Variants in LRRC20 observed in about 807,000 individuals in gnomAD.
The protein encoded by LRRC20 is leucine-rich repeat-containing protein 20.
A neutral mutation model predicts 14.4 loss-of-function variants in LRRC20; 11 were observed. The observed-to-expected ratio is 0.77, with a 90% CI of 0.48 to 1.27. LRRC20 has a LOEUF of 1.27. LRRC20 is among the 50% of genes most tolerant of loss of function. The pLI is 0.00. For synonymous variants in LRRC20, 121 were observed against 107.3 expected (o/e 1.13, Z -0.79); for missense variants, 219 against 251.2 (o/e 0.87, Z 0.87).
intron 4 of LRRC20, among the ~76,000 whole-genome samples, chr10:70,306,125 TCTC>T (rs1841413615): frequency 2.1e-5 from 3 of 144,008 alleles, no homozygotes; most frequent in African/African-American, 7.7e-5. Flanking sequence ...TCTCTCTCTC[TCTC>T]CCCCACCCCA....
At chr10:70,325,934 A>C (rs1842300328) in intron 3 of LRRC20, among the ~76,000 whole-genome samples, 1 of 152,188 alleles carries the variant, frequency 6.6e-6, no homozygotes, top group Non-Finnish European at 1.5e-5. Flanking sequence ...TAATGCTCTC[A>C]TAATTGCACT....
chr10:70,333,571 A>G (rs1459359852), intron 3 of LRRC20, among the ~76,000 whole-genome samples: 1 of 152,116 alleles, frequency 6.6e-6, no homozygotes, highest in African/African-American at 2.4e-5. Context: ...GTTCCTTAAC[A>G]CTGCTAGGAA....
intron 3 of LRRC20, among the ~76,000 whole-genome samples, chr10:70,337,252 CAT>C (rs1188754358): frequency 6.6e-6 from 1 of 152,192 alleles, no homozygotes; most frequent in Non-Finnish European, 1.5e-5. Context: ...CCTCTTCACA[CAT>C]AAAAGAAGAG....
At chr10:70,372,561 C>T (rs1844326151) in intron 2 of LRRC20, among the ~76,000 whole-genome samples, 1 of 151,540 alleles carries the variant, frequency 6.6e-6, no homozygotes, top group Non-Finnish European at 1.5e-5. Flanking sequence ...CCTGCCTCAG[C>T]CTCCCGAGTA....
At chr10:70,362,908 T>C (rs1843800929) in intron 2 of LRRC20, among the ~76,000 whole-genome samples, 1 of 152,098 alleles carries the variant, frequency 6.6e-6, no homozygotes, top group African/African-American at 2.4e-5. Flanking sequence ...AGGTGGGGCC[T>C]TTGGGAGGTG....
intron 2 of LRRC20, among the ~76,000 whole-genome samples, chr10:70,362,716 AGCGTGCCTC>A (rs1843785876): frequency 6.9e-6 from 1 of 145,882 alleles, no homozygotes; most frequent in Admixed American, 7.1e-5. Flanking sequence ...CTCCCAGAGC[AGCGTGCCTC>A]AAGGGGGGCA....
Position 70,301,358 on chromosome 10 carries a change from G to A in LRRC20, c.551C>T (p.Pro184Leu), listed in dbSNP as rs1366110799. The A allele has an allele frequency of 1.9e-6, 3 of 1,612,222 alleles. No individual in the cohort carries two copies. Among genetic ancestry groups the A allele is most frequent in the Admixed American group, 1.7e-5 (1 of 59,892 alleles). ...MSPEGARAPL[P>L] is the part of the protein sequence containing the mutation. ...GGTGGGCATGAGGAGGGTGGCCTAA[G>A]GTAGGGGGGCTCTTGCGCCTTCCGG... Residue 184 changes from proline to leucine, a missense_variant, in exon 5 of 5, where the codon CCT becomes CTT. Coordinates refer to ENST00000446961, the MANE Select transcript of LRRC20 (RefSeq NM_001278212.2).
intron 2 of LRRC20, among the ~76,000 whole-genome samples, chr10:70,375,721 A>C (rs1367443504): frequency 6.6e-6 from 1 of 152,062 alleles, no homozygotes; most frequent in Non-Finnish European, 1.5e-5. Flanking sequence ...TGGGTGACAT[A>C]CATGCACATG....
intron 4 of LRRC20, among the ~76,000 whole-genome samples, chr10:70,319,324 T>C (rs1841991861): frequency 6.6e-6 from 1 of 152,202 alleles, no homozygotes; most frequent in South Asian, 2.1e-4. Context: ...CAGGATTGAA[T>C]TGCTAAGCAG....
intron 2 of LRRC20, among the ~76,000 whole-genome samples, chr10:70,369,286 C>T (rs1844166673): frequency 6.6e-6 from 1 of 151,666 alleles, no homozygotes. Flanking sequence ...CTCATCCCCA[C>T]CCCCATCCCT....
At chr10:70,374,309 C>T (rs1049814199) in intron 2 of LRRC20, among the ~76,000 whole-genome samples, 6 of 151,758 alleles carry the variant, frequency 4.0e-5, no homozygotes, top group Non-Finnish European at 2.9e-5. Context: ...CTTGCCACAT[C>T]TGAATGAAGT....
intron 2 of LRRC20, among the ~76,000 whole-genome samples, chr10:70,353,395 TCC>T (rs1843394394): frequency 7.3e-6 from 1 of 136,446 alleles, no homozygotes; most frequent in East Asian, 2.1e-4. Flanking sequence ...CATCACAACA[TCC>T]CCATGAGACA....
intron 4 of LRRC20, among the ~76,000 whole-genome samples, chr10:70,311,002 T>C (rs1270482474): frequency 6.6e-6 from 1 of 152,238 alleles, no homozygotes; most frequent in Non-Finnish European, 1.5e-5. Context: ...CACTGTTTAA[T>C]GTGTTTGTGT....
At chr10:70,340,851 C>T in intron 2 of LRRC20, 149 bp from the exon 3 acceptor site, 2 of 748,494 alleles carry the variant, frequency 2.7e-6, no homozygotes, top group Non-Finnish European at 4.4e-6. Flanking sequence ...CAGACCCTGC[C>T]CTCCCTCTTC....
chr10:70,348,348 G>C (rs1038042899), intron 2 of LRRC20, among the ~76,000 whole-genome samples: 12 of 152,192 alleles, frequency 7.9e-5, no homozygotes, highest in African/African-American at 2.9e-4. Flanking sequence ...CCCGGGACAA[G>C]AAAATGGAGA....
intron 2 of LRRC20, among the ~76,000 whole-genome samples, chr10:70,374,411 C>T (rs1485775487): frequency 1.3e-5 from 2 of 149,042 alleles, no homozygotes; most frequent in Admixed American, 6.7e-5. Flanking sequence ...GGTGCAGTGG[C>T]GAGATCTTGA....
chr10:70,349,129 CACAG>C (rs1169403295), intron 2 of LRRC20, among the ~76,000 whole-genome samples: 2 of 135,532 alleles, frequency 1.5e-5, no homozygotes, highest in Non-Finnish European at 1.6e-5. Context: ...GGGTCCTCAG[CACAG>C]ACAGTATATA....
At chr10:70,344,798 C>T (rs986029712) in intron 2 of LRRC20, among the ~76,000 whole-genome samples, 1 of 152,114 alleles carries the variant, frequency 6.6e-6, no homozygotes, top group African/African-American at 2.4e-5. Context: ...AATTCCTGAG[C>T]CCAAGTGATC....
chr10:70,346,298 T>C (rs1195228822), intron 2 of LRRC20, among the ~76,000 whole-genome samples: 2 of 152,084 alleles, frequency 1.3e-5, no homozygotes, highest in Non-Finnish European at 2.9e-5. Context: ...TGTGTGTAGT[T>C]CCAGGTACTC....
Sources: allele counts gnomAD v4.1 joint callset (sites outside exome capture counted in the v4.1 genomes callset), GRCh38; gene constraint gnomAD v4.1.1; transcripts MANE v1.5; gene names NCBI Gene and HGNC (gene_info 2026-07-23, HGNC 2026-07-21).